The following LMCD1 variants were observed in gnomAD, a reference collection of about 807,000 sequenced individuals.
LMCD1 encodes LIM and cysteine-rich domains protein 1.
A neutral mutation model predicts 42.7 loss-of-function variants in LMCD1; 32 were observed. That is an observed-to-expected ratio of 0.75 (90% confidence interval 0.57 to 1.01). The LOEUF (loss-of-function observed/expected upper bound fraction) is 1.01. Ranked by LOEUF, LMCD1 falls within the 50% of genes least tolerant of loss-of-function variation. The pLI is 0.00. For missense variants in LMCD1, 458 were observed against 483.1 expected, an observed-to-expected ratio of 0.95 and a Z score of 0.49; for synonymous variants, 178 against 184.9, an observed-to-expected ratio of 0.96 and a Z score of 0.30.
In LMCD1 at chr3:8,548,549, T is replaced by G. The variant is rs1559354570; in HGVS notation, c.388-19T>G. 2.6e-6 allele frequency: 4 copies of G among 1,531,680 alleles called. No individual in the cohort carries two copies. The East Asian group carries it at 9.2e-5, about 35-fold the overall frequency. 94.9% of individuals were successfully genotyped at this position (1,531,680 alleles called of 1,614,324 possible). A position where few individuals can be genotyped will look rare whatever the true frequency, so the allele number is the denominator to read the frequency against. ...GCCCCATCCACATCATGTTGTCTCT[T>G]CCTCCTCCTCCTCCCTAGGGACTGC... is the stretch of plus-strand genomic sequence containing the variant. On this transcript the variant is annotated intron_variant, in intron 3 of 5. Coordinates refer to ENST00000157600, the MANE Select transcript of LMCD1 (RefSeq NM_014583.4).
At chr3:8,538,334 A>G (rs144122453) in intron 3 of LMCD1, among the ~76,000 whole-genome samples, 187 of 152,338 alleles carry the variant, frequency 1.2e-3, no homozygotes, top group African/African-American at 4.3e-3. Flanking sequence ...GGTCCCCAGA[A>G]CCTTACATGT....
intron 1 of LMCD1, among the ~76,000 whole-genome samples, chr3:8,512,535 C>T (rs1392652990): frequency 6.6e-6 from 1 of 152,116 alleles, no homozygotes; most frequent in Non-Finnish European, 1.5e-5. Context: ...GAAGAAAGGG[C>T]AAGGTTTGAT....
chr3:8,509,963 A>G (rs17049223), intron 1 of LMCD1, among the ~76,000 whole-genome samples: 9,357 of 152,188 alleles, frequency 0.061, 483 homozygotes, highest in South Asian at 0.14. Context: ...GTGGTAGACC[A>G]GTTGTCTTTG....
intron 1 of LMCD1, among the ~76,000 whole-genome samples, chr3:8,508,023 G>A (rs1243732778): frequency 6.6e-6 from 1 of 152,134 alleles, no homozygotes; most frequent in Admixed American, 6.5e-5. Context: ...GGAGTATACT[G>A]TCACCTACAC....
intron 1 of LMCD1, 25 bp downstream of exon 1, chr3:8,502,005 AC>A: frequency 6.5e-7 from 1 of 1,545,014 alleles, no homozygotes; most frequent in Non-Finnish European, 8.7e-7. Flanking sequence ...GTTTGTATTT[AC>A]CCAGATTCTT....
intron 3 of LMCD1, among the ~76,000 whole-genome samples, chr3:8,542,002 CTT>C (rs1187864989): frequency 5.2e-5 from 4 of 76,724 alleles, no homozygotes; most frequent in Non-Finnish European, 9.2e-5. Context: ...GAGGCTGGAG[CTT>C]TTTTTTTTTT....
chr3:8,534,354 T>G (rs1226365026), intron 2 of LMCD1, among the ~76,000 whole-genome samples: 3 of 152,188 alleles, frequency 2.0e-5, no homozygotes, highest in Admixed American at 2.0e-4. Context: ...GGACCCTATT[T>G]TTCATGGCAA....
At chr3:8,519,917 T>TGTGTGTGTGAGAGA (rs145408793) in intron 1 of LMCD1, among the ~76,000 whole-genome samples, 1 of 149,740 alleles carries the variant, frequency 6.7e-6, no homozygotes, top group Admixed American at 6.6e-5. Flanking sequence ...CGTGTGTGTG[T>TGTGTGTGTGAGAGA]GAGAGAGAGT....
rs1017766132 is a variant in LMCD1 at position 8,574,407 on chromosome 3, G to C, written c.*6809G>C. 6.6e-6 allele frequency: 1 copy of C among 152,366 alleles called. No individual in the cohort carries two copies. The highest frequency in any genetic ancestry group is 1.5e-5 in the Non-Finnish European group (1 of 68,206). The allele number at this position is 152,366 out of a possible 1,614,324, so 9.4% of individuals were successfully genotyped here. On this transcript the variant is annotated 3_prime_UTR_variant, in exon 6 of 6. Transcript: ENST00000157600. ...GTGAGAGCAACAGGAGCAAAGCATG[G>C]AGAAGAAGCAATCTTGGAGAAGCTG...
intron 3 of LMCD1, among the ~76,000 whole-genome samples, chr3:8,545,850 A>G (rs1694724193): frequency 6.6e-6 from 1 of 152,210 alleles, no homozygotes; most frequent in African/African-American, 2.4e-5. Context: ...AGAAAAGCAA[A>G]CAGGGTCAGG....
Position 8,572,710 on chromosome 3 carries a change from A to T in LMCD1, c.*5112A>T, listed in dbSNP as rs1306832681. On this transcript the variant is annotated 3_prime_UTR_variant, in exon 6 of 6. Transcript: ENST00000157600. ...ACCATCCTTATTTATTTTAATGCTC[A>T]AATTGTCCCAAATTATGGCCAAAGA... 6.6e-6 allele frequency: 1 copy of T among 152,240 alleles called. No individual in the cohort carries two copies. Among genetic ancestry groups the T allele is most frequent in the Non-Finnish European group, 1.5e-5 (1 of 68,042 alleles). 9.4% of individuals were successfully genotyped at this position (152,240 alleles called of 1,614,324 possible).
At chr3:8,513,318 C>A (rs1694036252) in intron 1 of LMCD1, among the ~76,000 whole-genome samples, 1 of 152,130 alleles carries the variant, frequency 6.6e-6, no homozygotes, top group Admixed American at 6.5e-5. Flanking sequence ...AGTGAGATGG[C>A]CAGCACGCAT....
chr3:8,551,165 G>A, intron 4 of LMCD1: 2 of 985,360 alleles, frequency 2.0e-6, no homozygotes, highest in Non-Finnish European at 2.4e-6. Flanking sequence ...TAATTATTAT[G>A]TAATTAGTGA....
intron 1 of LMCD1, among the ~76,000 whole-genome samples, chr3:8,517,055 A>T (rs1235935335): frequency 6.6e-6 from 1 of 152,244 alleles, no homozygotes; most frequent in Non-Finnish European, 1.5e-5. Flanking sequence ...ATTAAGTCCC[A>T]TGGTTACATA....
chr3:8,545,837 G>A (rs141514561), intron 3 of LMCD1, among the ~76,000 whole-genome samples: 207 of 152,290 alleles, frequency 1.4e-3, no homozygotes, highest in African/African-American at 4.6e-3. Context: ...AAAAGCCACA[G>A]ATAGAAAAGC....
intron 4 of LMCD1, among the ~76,000 whole-genome samples, chr3:8,557,581 A>G (rs142535428): frequency 6.6e-6 from 1 of 152,326 alleles, no homozygotes; most frequent in Non-Finnish European, 1.5e-5. Flanking sequence ...CTGAAGGCCA[A>G]CACAGTTCAG....
intron 3 of LMCD1, among the ~76,000 whole-genome samples, chr3:8,546,333 A>G (rs1421313284): frequency 6.6e-6 from 1 of 152,094 alleles, no homozygotes; most frequent in East Asian, 1.9e-4. Flanking sequence ...TTTTTTACAA[A>G]TTTCTGTTGG....
At chr3:8,559,723 A>G (rs2125038485) in intron 4 of LMCD1, among the ~76,000 whole-genome samples, 1 of 152,328 alleles carries the variant, frequency 6.6e-6, no homozygotes, top group Admixed American at 6.5e-5. Flanking sequence ...CAGACGATAG[A>G]TCCAGGACAA....
chr3:8,519,320 G>GTT (rs1694156627), intron 1 of LMCD1, among the ~76,000 whole-genome samples: 1 of 152,192 alleles, frequency 6.6e-6, no homozygotes, highest in Non-Finnish European at 1.5e-5. Context: ...AGAAGGAACT[G>GTT]TATGTGGGCA....
Sources: allele counts gnomAD v4.1 joint callset (sites outside exome capture counted in the v4.1 genomes callset), GRCh38; gene constraint gnomAD v4.1.1; transcripts MANE v1.5; gene names NCBI Gene and HGNC (gene_info 2026-07-23, HGNC 2026-07-21).